RBFOX1: variants seen among roughly 807,000 people sequenced by gnomAD.
The protein encoded by RBFOX1 is RNA binding protein fox-1 homolog 1.
In RBFOX1, 8 loss-of-function variants were observed where a neutral mutation model predicts 57.7. That is an observed-to-expected ratio of 0.14 (90% CI 0.08 to 0.25). RBFOX1 has a LOEUF of 0.25. Ranked by LOEUF, RBFOX1 falls within the 10% of genes least tolerant of loss-of-function variation. RBFOX1 has a pLI of 1.00. For synonymous variants in RBFOX1, 326 were observed against 222.4 expected, an observed-to-expected ratio of 1.47 and a Z score of -4.15; for missense variants, 611 against 548.5, an observed-to-expected ratio of 1.11 and a Z score of -1.14.
intron 4 of RBFOX1, among the ~76,000 whole-genome samples, chr16:7,114,791 G>A (rs543951360): frequency 4.6e-5 from 7 of 152,224 alleles, no homozygotes; most frequent in South Asian, 2.1e-4. Context: ...TTGCTAACTC[G>A]TTGTCCTAAG....
chr16:6,780,161 T>A (rs1395233299), intron 3 of RBFOX1, among the ~76,000 whole-genome samples: 1 of 32,642 alleles, frequency 3.1e-5, no homozygotes, highest in Non-Finnish European at 4.1e-5. Flanking sequence ...ATATATATAT[T>A]TATATATTTT....
chr16:5,841,842 G>A (rs57156549), intron 3 of RBFOX1, among the ~76,000 whole-genome samples: 6,138 of 152,266 alleles, frequency 0.04, 411 homozygotes, highest in African/African-American at 0.13. Context: ...AGAAATAGAT[G>A]TGGCTGCTTT....
At chr16:5,352,279 G>C (rs771267149) in intron 1 of RBFOX1, among the ~76,000 whole-genome samples, 5 of 152,132 alleles carry the variant, frequency 3.3e-5, no homozygotes, top group African/African-American at 4.8e-5. Flanking sequence ...TGTCCCCCAA[G>C]CTGAGCAGCT....
At chr16:6,527,784 C>T (rs961900575) in intron 2 of RBFOX1, among the ~76,000 whole-genome samples, 29 of 152,124 alleles carry the variant, frequency 1.9e-4, no homozygotes, top group African/African-American at 5.8e-4. Context: ...ATGGTTGCCA[C>T]TCCGAGCTGC....
At chr16:5,493,913 A>T (rs1258521818) in intron 2 of RBFOX1, among the ~76,000 whole-genome samples, 1 of 152,224 alleles carries the variant, frequency 6.6e-6, no homozygotes, top group African/African-American at 2.4e-5. Context: ...AGCTGTCTCA[A>T]AGCAGGCAAT....
At chr16:5,241,304 G>C (rs1314409701) in intron 1 of RBFOX1, among the ~76,000 whole-genome samples, 1 of 152,174 alleles carries the variant, frequency 6.6e-6, no homozygotes, top group Non-Finnish European at 1.5e-5. Context: ...CTGAGATTCT[G>C]GGAGAAGGAG....
rs577672094 is a variant in RBFOX1, at chr16:7,029,675, A to G, written c.-15-22382A>G. Among the ~76,000 whole-genome samples the G allele has an allele frequency of 1.4e-4, 22 of 152,286 alleles. No individual in the cohort carries two copies. The South Asian group carries it at 3.3e-3, about 23-fold the overall frequency. On this transcript the variant is annotated intron_variant, in intron 3 of 15. Transcript: ENST00000550418. ...CGGAAATAGGATATTCTAATTTTCA[A>G]AACAGATGAAAGAAGCTGGGAGACT...
At chr16:7,248,124 A>G (rs1269865425) in intron 4 of RBFOX1, among the ~76,000 whole-genome samples, 2 of 152,218 alleles carry the variant, frequency 1.3e-5, no homozygotes, top group Admixed American at 6.5e-5. Context: ...AATGAAGGCA[A>G]AGACTTCAGA....
At chr16:5,408,874 C>G (rs1001370531) in intron 1 of RBFOX1, among the ~76,000 whole-genome samples, 12 of 152,376 alleles carry the variant, frequency 7.9e-5, no homozygotes, top group South Asian at 2.1e-4. Context: ...GTCACGAAGA[C>G]TGTTCCAAGA....
intron 3 of RBFOX1, among the ~76,000 whole-genome samples, chr16:5,682,686 G>T (rs896819618): frequency 6.6e-6 from 1 of 152,160 alleles, no homozygotes; most frequent in African/African-American, 2.4e-5. Flanking sequence ...AAAAGCTCAG[G>T]TTTTATCCAA....
chr16:7,708,879 A>C (rs1021342754), intron 14 of RBFOX1, among the ~76,000 whole-genome samples, 177 bp from the exon 15 acceptor site: 1 of 152,186 alleles, frequency 6.6e-6, no homozygotes, highest in Admixed American at 6.5e-5. Flanking sequence ...TTAAATGCAC[A>C]AAAAATGTAT....
chr16:5,675,084 G>T (rs908497476), intron 3 of RBFOX1, among the ~76,000 whole-genome samples: 1 of 152,108 alleles, frequency 6.6e-6, no homozygotes, highest in African/African-American at 2.4e-5. Context: ...AGAGGTCAAG[G>T]CTGCAGTGAG....
intron 3 of RBFOX1, among the ~76,000 whole-genome samples, chr16:5,703,868 T>C (rs1269154483): frequency 6.6e-6 from 1 of 152,212 alleles, no homozygotes; most frequent in African/African-American, 2.4e-5. Context: ...TGATATGCAG[T>C]GTATGCATGG....
intron 2 of RBFOX1, among the ~76,000 whole-genome samples, chr16:6,558,821 C>A (rs1446115374): frequency 5.7e-5 from 8 of 141,338 alleles, no homozygotes; most frequent in Non-Finnish European, 1.1e-4. Context: ...TCTTGCCTTA[C>A]CGCCATGCTG....
At chr16:7,182,081 A>G (rs1297911672) in intron 4 of RBFOX1, among the ~76,000 whole-genome samples, 1 of 152,232 alleles carries the variant, frequency 6.6e-6, no homozygotes, top group Non-Finnish European at 1.5e-5. Flanking sequence ...GAGTCTTCAG[A>G]AGCTTGTTCA....
chr16:5,696,821 T>C (rs1297860347), intron 3 of RBFOX1, among the ~76,000 whole-genome samples: 1 of 152,132 alleles, frequency 6.6e-6, no homozygotes, highest in Non-Finnish European at 1.5e-5. Flanking sequence ...ATATTTGATT[T>C]ATATATTTAA....
At chr16:5,475,597 G>C (rs550200956) in intron 2 of RBFOX1, among the ~76,000 whole-genome samples, 1 of 152,306 alleles carries the variant, frequency 6.6e-6, no homozygotes, top group Non-Finnish European at 1.5e-5. Context: ...TTATGTGGAG[G>C]GTTAATATTT....
intron 3 of RBFOX1, among the ~76,000 whole-genome samples, chr16:7,006,744 G>C (rs948305052): frequency 6.6e-6 from 1 of 152,086 alleles, no homozygotes; most frequent in Non-Finnish European, 1.5e-5. Flanking sequence ...CACCATGCCT[G>C]GCAATTAATT....
At chr16:6,722,844 A>T (rs537748252) in intron 3 of RBFOX1, among the ~76,000 whole-genome samples, 1 of 152,338 alleles carries the variant, frequency 6.6e-6, no homozygotes, top group African/African-American at 2.4e-5. Flanking sequence ...CATCAGTAAG[A>T]AATCCAAATG....
Sources: allele counts gnomAD v4.1 joint callset (sites outside exome capture counted in the v4.1 genomes callset), GRCh38; gene constraint gnomAD v4.1.1; transcripts MANE v1.5; gene names NCBI Gene and HGNC (gene_info 2026-07-23, HGNC 2026-07-21).